SUCLG2: variants seen among roughly 807,000 people sequenced by gnomAD.
SUCLG2 encodes succinate-CoA ligase GDP-forming subunit beta.
Under a neutral mutation model 47.9 loss-of-function variants are expected in SUCLG2, and 42 were observed. That is an observed-to-expected ratio of 0.88 (90% CI 0.69 to 1.14). The LOEUF is 1.14. Among genes scored for constraint, SUCLG2 ranks in the 50% most tolerant of loss-of-function variants. The probability of loss-of-function intolerance (pLI) is 0.00; values close to 1 mark genes in which losing one functional copy is unlikely to be tolerated. For missense variants in SUCLG2, 571 were observed against 525.9 expected (o/e 1.09, Z -0.84); for synonymous variants, 195 against 197.3 (o/e 0.99, Z 0.10).
At chr3:67,597,944 C>A (rs548657336) in intron 2 of SUCLG2, among the ~76,000 whole-genome samples, 1,839 of 151,702 alleles carry the variant, frequency 0.012, 42 homozygotes, top group African/African-American at 0.041. Flanking sequence ...TCTCAAAAAA[C>A]AAACAAACAA....
At chr3:67,633,301 T>C (rs1700957443) in intron 1 of SUCLG2, among the ~76,000 whole-genome samples, 1 of 152,224 alleles carries the variant, frequency 6.6e-6, no homozygotes. Context: ...AATGTATCCA[T>C]TAAATATTTA....
chr3:67,454,029 T>A (rs1201230933), intron 9 of SUCLG2, among the ~76,000 whole-genome samples: 1 of 152,154 alleles, frequency 6.6e-6, no homozygotes, highest in Admixed American at 6.5e-5. Flanking sequence ...TTCAAGAAAA[T>A]TAGAAGTTAA....
intron 9 of SUCLG2, among the ~76,000 whole-genome samples, chr3:67,480,741 A>T (rs1411329996): frequency 6.6e-6 from 1 of 152,210 alleles, no homozygotes; most frequent in Non-Finnish European, 1.5e-5. Flanking sequence ...CCCTGAAAGT[A>T]ACCTACAATG....
At chr3:67,428,254 A>T (rs1315112479) in intron 9 of SUCLG2, among the ~76,000 whole-genome samples, 1 of 152,218 alleles carries the variant, frequency 6.6e-6, no homozygotes, top group Non-Finnish European at 1.5e-5. Flanking sequence ...CTTCCAGAGG[A>T]AGAATCAGGC....
At chr3:67,552,219 A>G (rs1454706609) in intron 2 of SUCLG2, among the ~76,000 whole-genome samples, 1 of 151,996 alleles carries the variant, frequency 6.6e-6, no homozygotes, top group African/African-American at 2.4e-5. Context: ...GGGAAAACAC[A>G]ATGACCCAAT....
intron 1 of SUCLG2, among the ~76,000 whole-genome samples, chr3:67,641,180 C>A (rs1559609117): frequency 6.6e-6 from 1 of 152,180 alleles, no homozygotes. Flanking sequence ...TTGGGATATT[C>A]TTCTCAATTG....
intron 1 of SUCLG2, among the ~76,000 whole-genome samples, chr3:67,616,428 T>C (rs570490572): frequency 1.2e-4 from 19 of 152,300 alleles, no homozygotes; most frequent in African/African-American, 4.6e-4. Flanking sequence ...GTGTATCTTC[T>C]AAGGACAGAT....
intron 10 of SUCLG2, among the ~76,000 whole-genome samples, chr3:67,392,880 T>A (rs559287246): frequency 6.6e-6 from 1 of 152,006 alleles, no homozygotes; most frequent in South Asian, 2.1e-4. Flanking sequence ...ATTGTCATGA[T>A]CATAGCTTGC....
chr3:67,544,789 T>C (rs1237626626), intron 2 of SUCLG2, among the ~76,000 whole-genome samples: 2 of 152,188 alleles, frequency 1.3e-5, no homozygotes, highest in Non-Finnish European at 2.9e-5. Flanking sequence ...GAAATCACTA[T>C]AGCACCACTT....
At position 67,624,281 on chromosome 3, in the gene SUCLG2, C is replaced by A. The variant is rs529842868; in HGVS notation, c.85-14685G>T. Among the ~76,000 whole-genome samples the A allele has an allele frequency of 4.6e-5, 7 of 152,276 alleles. 1 individual carries two copies. The highest frequency in any genetic ancestry group is 3.9e-4 in the Admixed American group (6 of 15,298). On this transcript the variant is annotated intron_variant, in intron 1 of 10. Coordinates refer to ENST00000307227, the MANE Select transcript of SUCLG2 (RefSeq NM_003848.4). ...ACTTGTAGAGTAGGAAATGAGCGAC[C>A]TTCGCTGGGGAAATTCCTGAGATCA...
downstream of SUCLG2, among the ~76,000 whole-genome samples, chr3:67,372,989 AAACTT>A (rs1283794947): frequency 1.3e-5 from 2 of 152,180 alleles, no homozygotes; most frequent in South Asian, 4.1e-4. Context: ...TGTGACAATA[AAACTT>A]AATTTACTAA....
intron 9 of SUCLG2, among the ~76,000 whole-genome samples, chr3:67,454,708 A>T (rs951498175): frequency 1.3e-5 from 2 of 152,300 alleles, no homozygotes; most frequent in African/African-American, 4.8e-5. Flanking sequence ...CATGCCTGTA[A>T]TCCCAACACT....
chr3:67,390,694 C>T (rs1488470328), intron 10 of SUCLG2, among the ~76,000 whole-genome samples: 2 of 150,508 alleles, frequency 1.3e-5, no homozygotes, highest in Non-Finnish European at 3.0e-5. Context: ...AACCTTGGCA[C>T]AAAAATTGCC....
chr3:67,551,859 T>TA (rs140059142), intron 2 of SUCLG2, among the ~76,000 whole-genome samples: 7,445 of 152,030 alleles, frequency 0.049, 242 homozygotes, highest in African/African-American at 0.092. Context: ...TGAGGAAACT[T>TA]AAGAAATAAA....
chr3:67,491,132 C>A (rs565456303), intron 9 of SUCLG2, among the ~76,000 whole-genome samples: 2 of 150,868 alleles, frequency 1.3e-5, no homozygotes, highest in East Asian at 2.0e-4. Context: ...GACCAGCCTG[C>A]GCAACAAGGT....
chr3:67,605,890 C>T (rs1250771335), intron 2 of SUCLG2, among the ~76,000 whole-genome samples: 2 of 152,000 alleles, frequency 1.3e-5, no homozygotes, highest in African/African-American at 4.8e-5. Flanking sequence ...TGCAACATTG[C>T]TCATTCCTCC....
intron 1 of SUCLG2, among the ~76,000 whole-genome samples, chr3:67,649,535 C>T (rs1701249891): frequency 7.3e-6 from 1 of 137,180 alleles, no homozygotes; most frequent in Non-Finnish European, 1.6e-5. Context: ...CATTGTCCCT[C>T]AACTTCTGCT....
At chr3:67,430,727 A>G (rs1047151255) in intron 9 of SUCLG2, among the ~76,000 whole-genome samples, 5 of 152,218 alleles carry the variant, frequency 3.3e-5, no homozygotes, top group Non-Finnish European at 7.3e-5. Flanking sequence ...AGAAGAAAAG[A>G]GAGAAAAATC....
At chr3:67,456,146 G>C (rs781514445) in intron 9 of SUCLG2, among the ~76,000 whole-genome samples, 7 of 152,160 alleles carry the variant, frequency 4.6e-5, no homozygotes, top group Non-Finnish European at 7.4e-5. Context: ...TCATGTGATT[G>C]CTGTCTGGGT....
Sources: gnomAD v4.1 joint callset for allele counts (sites outside exome capture counted in the v4.1 genomes callset) on GRCh38, gnomAD v4.1.1 for gene constraint, MANE v1.5 for transcripts, NCBI Gene and HGNC (gene_info 2026-07-23, HGNC 2026-07-21) for gene names.